The following AGPS variants were observed in gnomAD, a reference collection of about 807,000 sequenced individuals.
AGPS encodes alkylglycerone phosphate synthase.
AGPS carries 26 observed loss-of-function variants against 90.7 expected under a neutral mutation model. The observed-to-expected ratio is 0.29, with a 90% CI of 0.21 to 0.40. The LOEUF is 0.40. Ranked by LOEUF, AGPS falls within the 10% of genes least tolerant of loss-of-function variation. The pLI is 1.00. For missense variants in AGPS, 540 were observed against 816.1 expected (o/e 0.66, Z 4.12); for synonymous variants, 294 against 285.3 (o/e 1.03, Z -0.31).
At chr2:177,537,088 T>G (rs1253388448) in intron 19 of AGPS, among the ~76,000 whole-genome samples, 2 of 152,140 alleles carry the variant, frequency 1.3e-5, no homozygotes, top group Non-Finnish European at 2.9e-5. Flanking sequence ...ATAATAGGTT[T>G]TTTGGAGAAG....
chr2:177,425,356 C>T (rs1686048127), intron 2 of AGPS, among the ~76,000 whole-genome samples: 1 of 152,062 alleles, frequency 6.6e-6, no homozygotes, highest in Admixed American at 6.6e-5. Context: ...CGCAGTGGCT[C>T]ACACCCGTAA....
intron 1 of AGPS, among the ~76,000 whole-genome samples, chr2:177,412,611 A>T (rs1685652030): frequency 6.6e-6 from 1 of 151,982 alleles, no homozygotes; most frequent in Non-Finnish European, 1.5e-5. Flanking sequence ...GTCCAATATT[A>T]CTCACCGCTT....
At chr2:177,420,150 A>T (rs1685903695) in intron 1 of AGPS, 119 bp from the exon 2 acceptor site, 1 of 684,140 alleles carries the variant, frequency 1.5e-6, no homozygotes, top group Admixed American at 2.3e-5. Context: ...ATTTAACCTT[A>T]TACAATATTT....
chr2:177,448,630 T>A (rs1686846701), intron 8 of AGPS, among the ~76,000 whole-genome samples: 1 of 152,212 alleles, frequency 6.6e-6, no homozygotes. Context: ...TGGACCACAA[T>A]CTTTGAAGTC....
intron 10 of AGPS, among the ~76,000 whole-genome samples, chr2:177,468,777 A>G (rs1469922615): frequency 6.6e-6 from 1 of 151,934 alleles, no homozygotes; most frequent in Admixed American, 6.6e-5. Context: ...TTTTTAATGA[A>G]TTTCAGGAAA....
At chr2:177,498,605 C>T (rs1574011994) in intron 13 of AGPS, among the ~76,000 whole-genome samples, 1 of 150,436 alleles carries the variant, frequency 6.6e-6, no homozygotes, top group East Asian at 1.9e-4. Context: ...TTCACTCTCT[C>T]TCTCTTATAC....
intron 1 of AGPS, among the ~76,000 whole-genome samples, chr2:177,395,265 A>G (rs920999068): frequency 2.0e-5 from 3 of 152,200 alleles, no homozygotes; most frequent in Non-Finnish European, 4.4e-5. Flanking sequence ...TAACGTTTGT[A>G]AGGCACACCA....
intron 11 of AGPS, among the ~76,000 whole-genome samples, chr2:177,484,010 GT>G (rs5836609): frequency 0.73 from 105,701 of 144,990 alleles, 38,584 homozygotes; most frequent in Admixed American, 0.78. Flanking sequence ...AAGCTAGGGT[GT>G]TTTTTTTTTT....
At position 177,542,161 on chromosome 2, in the gene AGPS, T is replaced by C. The variant is rs1350603226; in HGVS notation, c.*3966T>C. On this transcript the variant is annotated 3_prime_UTR_variant, in exon 20 of 20. Coordinates refer to ENST00000264167, the MANE Select transcript of AGPS (RefSeq NM_003659.4). Reference sequence around the variant, plus strand: ...TGATTTGAAAACACAAAATTTATTTTTATAATTTTGTTGCTTGTAGCATAA... The same window carrying C: ...TGATTTGAAAACACAAAATTTATTTCTATAATTTTGTTGCTTGTAGCATAA... The C allele has an allele frequency of 6.6e-6, 1 of 152,204 alleles. No homozygotes were observed. Among genetic ancestry groups the C allele is most frequent in the Non-Finnish European group, 1.5e-5 (1 of 68,024 alleles). 9.4% of individuals were successfully genotyped at this position (152,204 alleles called of 1,614,324 possible).
intron 2 of AGPS, among the ~76,000 whole-genome samples, 174 bp downstream of exon 2, chr2:177,420,532 A>T (rs898312871): frequency 3.3e-5 from 5 of 151,610 alleles, no homozygotes; most frequent in African/African-American, 4.8e-5. Context: ...TTGTCATGTC[A>T]CCTCTAAATA....
chr2:177,496,654 C>T (rs919632056), intron 12 of AGPS, among the ~76,000 whole-genome samples: 2 of 151,978 alleles, frequency 1.3e-5, no homozygotes, highest in African/African-American at 4.8e-5. Flanking sequence ...GTTAAGACTT[C>T]TATTACTTGG....
intron 5 of AGPS, among the ~76,000 whole-genome samples, chr2:177,439,831 C>G (rs557862026): frequency 6.6e-6 from 1 of 152,138 alleles, no homozygotes; most frequent in South Asian, 2.1e-4. Flanking sequence ...AAAACAATCT[C>G]TTTGCCATCT....
At chr2:177,503,783 C>T (rs1688630203) in intron 14 of AGPS, among the ~76,000 whole-genome samples, 1 of 151,994 alleles carries the variant, frequency 6.6e-6, no homozygotes, top group Non-Finnish European at 1.5e-5. Flanking sequence ...CTTGTAAAGC[C>T]CAGACTGACT....
intron 1 of AGPS, among the ~76,000 whole-genome samples, chr2:177,405,673 G>GTTTTTT (rs56860445): frequency 6.9e-6 from 1 of 144,908 alleles, no homozygotes. Flanking sequence ...CTATTCTGTT[G>GTTTTTT]TTTTTTTTTT....
intron 2 of AGPS, among the ~76,000 whole-genome samples, chr2:177,424,934 T>G (rs929213400): frequency 7.2e-5 from 11 of 152,324 alleles, no homozygotes; most frequent in Non-Finnish European, 1.6e-4. Context: ...GTTGGTTTTT[T>G]CTTGTAAATT....
At chr2:177,451,464 T>C (rs539924691) in intron 8 of AGPS, among the ~76,000 whole-genome samples, 52 of 152,144 alleles carry the variant, frequency 3.4e-4, no homozygotes, top group African/African-American at 1.2e-3. Flanking sequence ...ATTTTTTACA[T>C]AGATGACTAT....
At chr2:177,399,411 T>C (rs1413719353) in intron 1 of AGPS, among the ~76,000 whole-genome samples, 1 of 152,150 alleles carries the variant, frequency 6.6e-6, no homozygotes, top group Non-Finnish European at 1.5e-5. Context: ...TTGGGGGTGA[T>C]ATTTTGTCAT....
intron 9 of AGPS, among the ~76,000 whole-genome samples, chr2:177,463,519 C>T (rs1687359985): frequency 6.6e-6 from 1 of 152,122 alleles, no homozygotes; most frequent in African/African-American, 2.4e-5. Context: ...AAAGTTTCCA[C>T]ATTTTCATCA....
At chr2:177,396,942 C>CTTTTTTTTTTTT (rs757187515) in intron 1 of AGPS, among the ~76,000 whole-genome samples, 2 of 140,566 alleles carry the variant, frequency 1.4e-5, no homozygotes, top group African/African-American at 5.2e-5. Context: ...TTTTTCTTTT[C>CTTTTTTTTTTTT]TTTTTTTTTT....
Sources: allele counts gnomAD v4.1 joint callset (sites outside exome capture counted in the v4.1 genomes callset), GRCh38; gene constraint gnomAD v4.1.1; transcripts MANE v1.5; gene names NCBI Gene and HGNC (gene_info 2026-07-23, HGNC 2026-07-21).